The following FNDC3A variants were observed in gnomAD, a reference collection of about 807,000 sequenced individuals.
FNDC3A encodes the protein fibronectin type III domain containing 3A.
FNDC3A carries 32 observed loss-of-function variants against 148.9 expected under a neutral mutation model. That is an observed-to-expected ratio of 0.21 (90% CI 0.16 to 0.29). The LOEUF (loss-of-function observed/expected upper bound fraction) is 0.29, where lower values mean the gene tolerates loss of function less well. FNDC3A is among the 10% of genes least tolerant of loss of function. The probability of loss-of-function intolerance (pLI) is 1.00; values close to 1 mark genes in which losing one functional copy is unlikely to be tolerated. For synonymous variants in FNDC3A, 472 were observed against 473.6 expected (o/e 1.00, Z 0.04); for missense variants, 1,191 against 1,452.8 (o/e 0.82, Z 2.93).
At chr13:49,001,993 G>T (rs1025574804) in intron 1 of FNDC3A, among the ~76,000 whole-genome samples, 1 of 152,104 alleles carries the variant, frequency 6.6e-6, no homozygotes, top group African/African-American at 2.4e-5. Context: ...CGGCTTGGGG[G>T]CATCACAGAA....
Position 49,138,791 on chromosome 13 carries a change from A to G in FNDC3A, c.805A>G (p.Ile269Val), listed in dbSNP as rs767601099. 2 of 1,505,358 alleles carry G rather than the reference A, an allele frequency of 1.3e-6. No homozygotes were observed. The highest frequency in any genetic ancestry group is 1.8e-6 in the Non-Finnish European group (2 of 1,096,914). 93.3% of individuals were successfully genotyped at this position (1,505,358 alleles called of 1,614,324 possible). Residue 269 changes from isoleucine to valine, a missense_variant, in exon 7 of 26, where the codon ATT becomes GTT. Around this residue, in one of 3 missense-constraint regions of FNDC3A, gnomAD observed 426 missense variants for 473.2 expected, o/e 0.90. Transcript: ENST00000492622. ...AGCATTTGAAGCACTTCTTTCCAAC[A>G]TTGTCAAACCAGTGGTAAGTATCTT... ...TKAFEALLSN[I>V]VKPVASDIQA...
chr13:49,147,840 T>C (rs1566283506), intron 8 of FNDC3A, among the ~76,000 whole-genome samples: 3 of 152,220 alleles, frequency 2.0e-5, no homozygotes. Flanking sequence ...CTAATTAACA[T>C]TCCACCAACA....
intron 8 of FNDC3A, among the ~76,000 whole-genome samples, chr13:49,161,104 G>T (rs372907101): frequency 6.6e-6 from 1 of 152,296 alleles, no homozygotes; most frequent in South Asian, 2.1e-4. Context: ...CTATTGATTT[G>T]GGGTGGAGAG....
chr13:49,171,344 A>G (rs1884744140), intron 10 of FNDC3A, among the ~76,000 whole-genome samples: 1 of 152,128 alleles, frequency 6.6e-6, no homozygotes, highest in Non-Finnish European at 1.5e-5. Context: ...TGACCAGGGG[A>G]GTCTTAAAGT....
intron 2 of FNDC3A, among the ~76,000 whole-genome samples, chr13:49,049,536 A>G (rs1454934956): frequency 6.6e-6 from 1 of 151,824 alleles, no homozygotes; most frequent in Admixed American, 6.6e-5. Flanking sequence ...GGTTTAATCT[A>G]GGAGGCTGTA....
intron 4 of FNDC3A, among the ~76,000 whole-genome samples, chr13:49,129,996 TTC>T (rs1219527959): frequency 1.3e-5 from 2 of 152,190 alleles, no homozygotes; most frequent in Non-Finnish European, 2.9e-5. Context: ...TATGATCATT[TTC>T]TGTTTCCTGA....
At chr13:49,094,672 C>T (rs1450342035) in intron 3 of FNDC3A, among the ~76,000 whole-genome samples, 8 of 151,738 alleles carry the variant, frequency 5.3e-5, no homozygotes, top group South Asian at 2.1e-4. Flanking sequence ...TTAAGGAATT[C>T]GATGAAGTGA....
At chr13:49,165,357 G>GCA in intron 8 of FNDC3A, among the ~76,000 whole-genome samples, 1 of 152,182 alleles carries the variant, frequency 6.6e-6, no homozygotes. Flanking sequence ...TGCATCTATT[G>GCA]TGTTGGTTGG....
At chr13:49,124,084 A>G (rs1881538398) in intron 4 of FNDC3A, among the ~76,000 whole-genome samples, 1 of 152,212 alleles carries the variant, frequency 6.6e-6, no homozygotes, top group South Asian at 2.1e-4. Context: ...AAGACTTGGA[A>G]CCAACCCAAA....
intron 2 of FNDC3A, among the ~76,000 whole-genome samples, chr13:49,062,652 T>C (rs1876978233): frequency 6.6e-6 from 1 of 152,182 alleles, no homozygotes; most frequent in Non-Finnish European, 1.5e-5. Context: ...CTGTGTAGTT[T>C]ATCATTTCTT....
intron 19 of FNDC3A, 123 bp from the exon 20 acceptor site, chr13:49,196,754 C>T: frequency 2.0e-6 from 1 of 506,928 alleles, no homozygotes. Flanking sequence ...AGAATTATGA[C>T]CAAATTAATC....
intron 2 of FNDC3A, among the ~76,000 whole-genome samples, chr13:49,061,823 CTCT>C (rs1876917750): frequency 2.2e-5 from 2 of 92,524 alleles, no homozygotes; most frequent in Non-Finnish European, 2.1e-5. Flanking sequence ...CTCTCCTCTC[CTCT>C]CCCAAGCTGG....
chr13:49,164,263 A>T (rs919939467), intron 8 of FNDC3A, among the ~76,000 whole-genome samples: 1 of 152,168 alleles, frequency 6.6e-6, no homozygotes. Flanking sequence ...CGTTAGTCTG[A>T]TAAGAGTTCT....
chr13:49,041,138 C>T (rs922347855), intron 2 of FNDC3A, among the ~76,000 whole-genome samples: 5 of 152,158 alleles, frequency 3.3e-5, no homozygotes, highest in Non-Finnish European at 7.4e-5. Flanking sequence ...GTGGGCGTAG[C>T]ATTTAGACAG....
chr13:49,002,820 G>A lies in FNDC3A; in HGVS notation c.-39-3332G>A, dbSNP rs571015102. On this transcript the variant is annotated intron_variant, in intron 1 of 25. Coordinates refer to ENST00000492622, the MANE Select transcript of FNDC3A (RefSeq NM_001079673.2). ...TGCATATAGTCCATTGAATGAAACA[G>A]CCACAGTTTATTTACAAAGGACATT... 4.6e-5 allele frequency among the ~76,000 whole-genome samples: 7 copies of A among 152,258 alleles called. No individual in the cohort carries two copies. The South Asian group carries it at 1.5e-3, about 32-fold the overall frequency.
chr13:49,100,211 G>A (rs748250588), intron 3 of FNDC3A, among the ~76,000 whole-genome samples: 1 of 151,792 alleles, frequency 6.6e-6, no homozygotes, highest in Admixed American at 6.6e-5. Flanking sequence ...TTTATTTTTC[G>A]ATAGATTTTG....
At chr13:49,169,764 T>G (rs1211372142) in intron 10 of FNDC3A, among the ~76,000 whole-genome samples, 1 of 152,230 alleles carries the variant, frequency 6.6e-6, no homozygotes, top group Non-Finnish European at 1.5e-5. Context: ...GTTCTGTAGC[T>G]TGTTAGTTTC....
intron 8 of FNDC3A, among the ~76,000 whole-genome samples, chr13:49,159,687 G>T (rs534036777): frequency 3.3e-5 from 5 of 152,286 alleles, no homozygotes; most frequent in Admixed American, 3.3e-4. Context: ...GGGCATCCCT[G>T]TCTTGTGCCA....
intron 3 of FNDC3A, among the ~76,000 whole-genome samples, chr13:49,088,809 C>T (rs1440488513): frequency 1.3e-5 from 2 of 152,050 alleles, no homozygotes; most frequent in South Asian, 2.1e-4. Flanking sequence ...AAGTGATTCT[C>T]CTGCCTTGGC....
Sources: gnomAD v4.1 joint callset for allele counts (sites outside exome capture counted in the v4.1 genomes callset) on GRCh38, gnomAD v4.1.1 for gene constraint, gnomAD v4.1.1 regional missense constraint, MANE v1.5 for transcripts, NCBI Gene and HGNC (gene_info 2026-07-23, HGNC 2026-07-21) for gene names.